CNKSR2: variants seen among roughly 807,000 people sequenced by gnomAD.
The protein encoded by CNKSR2 is CNK homolog protein 2.
In CNKSR2, 14 loss-of-function variants were observed where a neutral mutation model predicts 84.4. The ratio of observed to expected loss-of-function variants is 0.17; its 90% confidence interval spans 0.11 to 0.26. The LOEUF (loss-of-function observed/expected upper bound fraction) is 0.26, where lower values mean the gene tolerates loss of function less well. Ranked by LOEUF, CNKSR2 falls within the 10% of genes least tolerant of loss-of-function variation. The pLI is 1.00. For synonymous variants in CNKSR2, 275 were observed against 277.9 expected (o/e 0.99, Z 0.10); for missense variants, 485 against 771.2 (o/e 0.63, Z 4.40).
At chrX:21,565,290 T>C (rs1013342901) in intron 13 of CNKSR2, among the ~76,000 whole-genome samples, 1 of 111,713 alleles carries the variant, frequency 9.0e-6, no homozygotes, top group African/African-American at 3.3e-5. Context: ...GGAAGGAAAG[T>C]AGTTAAGTCT....
intron 17 of CNKSR2, among the ~76,000 whole-genome samples, chrX:21,595,982 C>T (rs2092449005): frequency 9.0e-6 from 1 of 111,493 alleles, no homozygotes; most frequent in Non-Finnish European, 1.9e-5. Flanking sequence ...TGCTTTCTTC[C>T]TTTCTCTTTC....
chrX:21,545,315 C>T lies in CNKSR2; in HGVS notation c.1303+13248C>T, dbSNP rs1344617820. ...GCCCACCACAACCTCGGCAAAGCCA[C>T]GGTAGCCAGACTGCCTAGATTCTCC... On this transcript the variant is annotated intron_variant, in intron 11 of 21. Coordinates refer to ENST00000379510, the MANE Select transcript of CNKSR2 (RefSeq NM_014927.5). 8.0e-5 allele frequency among the ~76,000 whole-genome samples: 9 copies of T among 112,259 alleles called. No individual in the cohort carries two copies. The East Asian group carries it at 2.3e-3, about 28-fold the overall frequency.
chrX:21,404,546 T>C (rs1412234257), intron 1 of CNKSR2, among the ~76,000 whole-genome samples: 1 of 110,242 alleles, frequency 9.1e-6, no homozygotes, highest in African/African-American at 3.3e-5. Context: ...CCTAGCACTT[T>C]GGGAGGCTGA....
At chrX:21,486,366 A>C (rs1365779664) in intron 5 of CNKSR2, among the ~76,000 whole-genome samples, 2 of 111,894 alleles carry the variant, frequency 1.8e-5, no homozygotes, top group Non-Finnish European at 3.8e-5. Flanking sequence ...TATACTATGT[A>C]GTTTAAACAT....
At chrX:21,506,212 T>C (rs766029478) in intron 8 of CNKSR2, 2 of 111,737 alleles carry the variant, frequency 1.8e-5, no homozygotes, top group South Asian at 7.5e-4. Context: ...AATAATGGGT[T>C]CTTATAATAG....
At chrX:21,630,822 T>A (rs1047351079) in intron 20 of CNKSR2, among the ~76,000 whole-genome samples, 1 of 111,149 alleles carries the variant, frequency 9.0e-6, no homozygotes, top group East Asian at 2.8e-4. Flanking sequence ...TGTTCTGATC[T>A]TTCAATCACA....
chrX:21,621,843 C>T (rs928997519), intron 20 of CNKSR2, among the ~76,000 whole-genome samples: 4 of 110,549 alleles, frequency 3.6e-5, no homozygotes, highest in Admixed American at 9.7e-5. Context: ...GTTTGTCAAA[C>T]GAAATTAAAA....
intron 4 of CNKSR2, among the ~76,000 whole-genome samples, chrX:21,465,226 C>T (rs181781812): frequency 8.0e-4 from 89 of 111,458 alleles, no homozygotes; most frequent in African/African-American, 2.8e-3. Context: ...TGAATGTTTT[C>T]TCCCCTCCTA....
At chrX:21,610,977 T>C (rs2092547459) in intron 20 of CNKSR2, among the ~76,000 whole-genome samples, 1 of 112,125 alleles carries the variant, frequency 8.9e-6, no homozygotes. Flanking sequence ...CCATGTGAAG[T>C]ATATTTTAGC....
At chrX:21,596,677 A>G (rs2092452647) in intron 17 of CNKSR2, among the ~76,000 whole-genome samples, 1 of 109,859 alleles carries the variant, frequency 9.1e-6, no homozygotes, top group Non-Finnish European at 1.9e-5. Context: ...TTTTTTTTCA[A>G]AGCAAGGATA....
intron 1 of CNKSR2, among the ~76,000 whole-genome samples, chrX:21,410,145 A>G (rs1328940352): frequency 1.8e-5 from 2 of 109,314 alleles, no homozygotes; most frequent in African/African-American, 6.6e-5. Context: ...GCCTTTGACA[A>G]GTGTTGCTCT....
chrX:21,560,271 G>C (rs1400290814), intron 11 of CNKSR2, among the ~76,000 whole-genome samples: 1 of 111,023 alleles, frequency 9.0e-6, no homozygotes, highest in African/African-American at 3.3e-5. Context: ...AGAACCTCAA[G>C]AAACTGAAAG....
At chrX:21,547,255 C>G (rs1450316887) in intron 11 of CNKSR2, among the ~76,000 whole-genome samples, 1 of 108,443 alleles carries the variant, frequency 9.2e-6, no homozygotes, top group Non-Finnish European at 1.9e-5. Flanking sequence ...AAATGGAAAG[C>G]AAGAAAAAAA....
At chrX:21,542,542 C>G (rs1338623049) in intron 11 of CNKSR2, among the ~76,000 whole-genome samples, 1 of 111,727 alleles carries the variant, frequency 9.0e-6, no homozygotes, top group Admixed American at 9.5e-5. Context: ...TCTCATTGCT[C>G]AGGCTTCAAA....
In CNKSR2 at chrX:21,389,421, T is replaced by A. The variant is rs1008934242; in HGVS notation, c.64+14460T>A. 3.6e-5 allele frequency among the ~76,000 whole-genome samples: 4 copies of A among 110,803 alleles called. No homozygotes were observed. The Admixed American group carries it at 3.9e-4, about 11-fold the overall frequency. ...ATACAGGAACTCTTTATACTATTTT[T>A]TGCAACTTTTCTGTAGATGTAAAAC... On this transcript the variant is annotated intron_variant, in intron 1 of 21. Coordinates refer to ENST00000379510, the MANE Select transcript of CNKSR2 (RefSeq NM_014927.5).
chrX:21,645,575 C>T (rs1284627460), intron 20 of CNKSR2: 1 of 111,593 alleles, frequency 9.0e-6, no homozygotes, highest in African/African-American at 3.3e-5. Context: ...AGAAAACATT[C>T]ATTCAAATTG....
chrX:21,420,447 T>G (rs922704253), intron 1 of CNKSR2, among the ~76,000 whole-genome samples: 8 of 112,208 alleles, frequency 7.1e-5, no homozygotes, highest in African/African-American at 2.6e-4. Flanking sequence ...CTTTCCTTTT[T>G]CTTCTGCTTT....
intron 1 of CNKSR2, among the ~76,000 whole-genome samples, chrX:21,414,174 T>C (rs1028725202): frequency 1.8e-5 from 2 of 111,224 alleles, no homozygotes; most frequent in African/African-American, 6.5e-5. Context: ...TGTACTAATT[T>C]ACATTCCCAC....
chrX:21,632,018 C>T (rs1569284886), intron 20 of CNKSR2, among the ~76,000 whole-genome samples: 1 of 111,977 alleles, frequency 8.9e-6, no homozygotes, highest in East Asian at 2.8e-4. Flanking sequence ...CCATTAAATT[C>T]CTAGCTCCTC....
Sources: allele counts gnomAD v4.1 joint callset (sites outside exome capture counted in the v4.1 genomes callset), GRCh38; gene constraint gnomAD v4.1.1; transcripts MANE v1.5; gene names NCBI Gene and HGNC (gene_info 2026-07-23, HGNC 2026-07-21).